The following RAB31 variants were observed in gnomAD, a reference collection of about 807,000 sequenced individuals.
The protein encoded by RAB31 is ras-related protein Rab-31.
In RAB31, 21 loss-of-function variants were observed where a neutral mutation model predicts 25.6. The ratio of observed to expected loss-of-function variants is 0.82; its 90% CI spans 0.58 to 1.18. The LOEUF (loss-of-function observed/expected upper bound fraction) is 1.18, where lower values mean the gene tolerates loss of function less well. Among genes scored for constraint, RAB31 ranks in the 50% most tolerant of loss-of-function variants. The pLI is 0.00. For synonymous variants in RAB31, 87 were observed against 84.0 expected, an observed-to-expected ratio of 1.04 and a Z score of -0.20; for missense variants, 196 against 250.1, an observed-to-expected ratio of 0.78 and a Z score of 1.46.
At chr18:9,775,015 T>G in intron 1 of RAB31, 1 of 581,240 alleles carries the variant, frequency 1.7e-6, no homozygotes, top group South Asian at 1.5e-5. Context: ...ACATGTTCAT[T>G]TTTGGTTAAA....
chr18:9,805,426 C>G (rs978320987), intron 3 of RAB31, among the ~76,000 whole-genome samples: 2 of 152,182 alleles, frequency 1.3e-5, no homozygotes, highest in Non-Finnish European at 2.9e-5. Context: ...TAGCCCCTTC[C>G]TTTGTCTTCA....
At chr18:9,738,427 C>T (rs772314962) in intron 1 of RAB31, among the ~76,000 whole-genome samples, 2 of 152,096 alleles carry the variant, frequency 1.3e-5, no homozygotes, top group Non-Finnish European at 2.9e-5. Flanking sequence ...AGGGAAGGGG[C>T]GGAAGGTTGA....
chr18:9,850,539 T>A (rs1452432793), intron 6 of RAB31, among the ~76,000 whole-genome samples: 1 of 152,178 alleles, frequency 6.6e-6, no homozygotes, highest in African/African-American at 2.4e-5. Flanking sequence ...TGGATTGGGG[T>A]GGAACCCAGC....
At chr18:9,822,334 T>A (rs947856972) in intron 5 of RAB31, among the ~76,000 whole-genome samples, 1 of 152,148 alleles carries the variant, frequency 6.6e-6, no homozygotes, top group Non-Finnish European at 1.5e-5. Context: ...TAATGTAAAA[T>A]GTTAACCCAT....
At chr18:9,756,842 T>A (rs1185580320) in intron 1 of RAB31, among the ~76,000 whole-genome samples, 1 of 152,216 alleles carries the variant, frequency 6.6e-6, no homozygotes, top group Non-Finnish European at 1.5e-5. Flanking sequence ...TCCACCACTG[T>A]GTGGTCTCAT....
chr18:9,789,825 T>C (rs1174428355), intron 2 of RAB31, among the ~76,000 whole-genome samples: 1 of 152,230 alleles, frequency 6.6e-6, no homozygotes, highest in East Asian at 1.9e-4. Flanking sequence ...GTTTTGATAC[T>C]ACTGGATTTG....
chr18:9,821,974 A>G (rs1245920440), intron 5 of RAB31, among the ~76,000 whole-genome samples: 1 of 152,210 alleles, frequency 6.6e-6, no homozygotes, highest in African/African-American at 2.4e-5. Context: ...TAAAATTTAT[A>G]TGGAAAATCA....
intron 1 of RAB31, among the ~76,000 whole-genome samples, chr18:9,753,679 G>A (rs2068246512): frequency 6.6e-6 from 1 of 152,120 alleles, no homozygotes; most frequent in African/African-American, 2.4e-5. Context: ...AGGTCTTTTA[G>A]CAATGAAGAA....
intron 5 of RAB31, among the ~76,000 whole-genome samples, chr18:9,832,413 A>G (rs1175508269): frequency 6.6e-6 from 1 of 152,250 alleles, no homozygotes; most frequent in Non-Finnish European, 1.5e-5. Context: ...CACACGGTTC[A>G]CAGCACGAAG....
intron 1 of RAB31, among the ~76,000 whole-genome samples, chr18:9,715,318 A>G (rs1432292169): frequency 1.3e-5 from 2 of 151,904 alleles, no homozygotes; most frequent in Admixed American, 6.6e-5. Context: ...TTTCTGGCAC[A>G]GTCCCTCCCC....
chr18:9,781,350 T>C (rs1459991643), intron 2 of RAB31, among the ~76,000 whole-genome samples: 1 of 152,182 alleles, frequency 6.6e-6, no homozygotes, highest in Non-Finnish European at 1.5e-5. Flanking sequence ...CAGAGTCTTC[T>C]CTGTTGCCCA....
chr18:9,817,034 T>G (rs985982001), intron 5 of RAB31, among the ~76,000 whole-genome samples: 1 of 152,202 alleles, frequency 6.6e-6, no homozygotes, highest in Non-Finnish European at 1.5e-5. Context: ...AAACACCACT[T>G]TTCTGGGATT....
At chr18:9,727,802 G>A (rs1316087019) in intron 1 of RAB31, among the ~76,000 whole-genome samples, 1 of 152,128 alleles carries the variant, frequency 6.6e-6, no homozygotes, top group African/African-American at 2.4e-5. Context: ...TAGTTGACAA[G>A]TAAAAATTGA....
chr18:9,774,224 C>G (rs2068360537), intron 1 of RAB31, among the ~76,000 whole-genome samples: 1 of 152,124 alleles, frequency 6.6e-6, no homozygotes, highest in Admixed American at 6.5e-5. Context: ...TAAAGGGGAG[C>G]CTTCACTGCT....
chr18:9,816,669 G>A (rs767515115), intron 5 of RAB31, among the ~76,000 whole-genome samples: 7 of 152,300 alleles, frequency 4.6e-5, no homozygotes, highest in Non-Finnish European at 8.8e-5. Flanking sequence ...AGGAGGTTGT[G>A]AGGATCCAGT....
At chr18:9,817,103 A>G (rs1011259044) in intron 5 of RAB31, among the ~76,000 whole-genome samples, 3 of 152,192 alleles carry the variant, frequency 2.0e-5, no homozygotes, top group African/African-American at 4.8e-5. Flanking sequence ...GTAATCCTCA[A>G]ACAGCTTACT....
At chr18:9,853,867 T>G (rs1288199780) in intron 6 of RAB31, among the ~76,000 whole-genome samples, 1 of 149,698 alleles carries the variant, frequency 6.7e-6, no homozygotes, top group Non-Finnish European at 1.5e-5. Flanking sequence ...TAAATAAAGT[T>G]TATCAATTAA....
rs55647315 is a variant in RAB31, at chr18:9,766,751, G to T, written c.40-8527G>T. On this transcript the variant is annotated intron_variant, in intron 1 of 6. Coordinates refer to ENST00000578921, the MANE Select transcript of RAB31 (RefSeq NM_006868.4). This position sits in a 1 kb window ranked among gnomAD's most constrained non-coding sequence, Gnocchi z 4.3. ...GGGGATCGCTTGAGGCCAGGAGTTT[G>T]AGACCAGCCTGGGCAATATAGTGAG... 0.063 allele frequency among the ~76,000 whole-genome samples: 9,618 copies of T among 152,168 alleles called. 441 individuals are homozygous for T. The highest frequency in any genetic ancestry group is 0.17 in the East Asian group (871 of 5,148).
At position 9,826,196 on chromosome 18, in the gene RAB31, A is replaced by G. The variant is rs958773335; in HGVS notation, c.380+10974A>G. Among the ~76,000 whole-genome samples, 15 of 75,116 alleles carry G rather than the reference A, an allele frequency of 2.0e-4. No individual in the cohort carries two copies. The Admixed American group carries it at 2.2e-3, about 11-fold the overall frequency. The allele number at this position is 75,116 out of a possible 152,430, so 49.3% of individuals were successfully genotyped here. A position where few individuals can be genotyped will look rare whatever the true frequency, so the allele number is the denominator to read the frequency against. On this transcript the variant is annotated intron_variant, in intron 5 of 6. Coordinates refer to ENST00000578921, the MANE Select transcript of RAB31 (RefSeq NM_006868.4). ...GTTCAAGACCAGCCTGGCCAACATG[A>G]TGAAACCCCCCTCTACTAAAAATAC... is the stretch of plus-strand genomic sequence containing the variant.
Sources: gnomAD v4.1 joint callset for allele counts (sites outside exome capture counted in the v4.1 genomes callset) on GRCh38, gnomAD v4.1.1 for gene constraint, Gnocchi (gnomAD v3.1) non-coding constraint, MANE v1.5 for transcripts, NCBI Gene and HGNC (gene_info 2026-07-23, HGNC 2026-07-21) for gene names.